NRG1: variants seen among roughly 807,000 people sequenced by gnomAD.
The protein encoded by NRG1 is pro-neuregulin-1, membrane-bound isoform.
NRG1 carries 18 observed loss-of-function variants against 63.8 expected under a neutral mutation model. The ratio of observed to expected loss-of-function variants is 0.28; its 90% CI spans 0.19 to 0.42. The LOEUF (loss-of-function observed/expected upper bound fraction) is 0.42. Ranked by LOEUF, NRG1 falls within the 10% of genes least tolerant of loss-of-function variation. NRG1 has a pLI of 1.00. For synonymous variants in NRG1, 302 were observed against 301.3 expected (o/e 1.00, Z -0.02); for missense variants, 762 against 814.7 (o/e 0.94, Z 0.79).
intron 1 of NRG1, among the ~76,000 whole-genome samples, chr8:32,066,507 G>A (rs757530712): frequency 2.2e-4 from 33 of 151,976 alleles, no homozygotes; most frequent in Non-Finnish European, 2.6e-4. Context: ...TAGATATGCA[G>A]CATTATTTCT....
chr8:32,111,503 C>T lies in NRG1; in HGVS notation c.37+472072C>T, dbSNP rs371855917. ...TGTTGTCAGTATTCAAGTGGTACCT[C>T]CACTCTGTCACATCTTCATTTTGCT... On this transcript the variant is annotated intron_variant, in intron 1 of 10. Transcript: ENST00000519301. 7.2e-5 allele frequency among the ~76,000 whole-genome samples: 11 copies of T among 152,238 alleles called. No individual in the cohort carries two copies. In the South Asian group the frequency reaches 1.7e-3, roughly 23 times the overall value.
At chr8:31,645,407 A>T (rs1319010823) in intron 1 of NRG1, among the ~76,000 whole-genome samples, 1 of 152,212 alleles carries the variant, frequency 6.6e-6, no homozygotes, top group Non-Finnish European at 1.5e-5. Flanking sequence ...TTGTGTTTTC[A>T]TATTGCCTAA....
chr8:32,735,167 G>GTATA (rs113382166), intron 6 of NRG1, among the ~76,000 whole-genome samples: 3 of 152,114 alleles, frequency 2.0e-5, no homozygotes, highest in African/African-American at 7.2e-5. Context: ...ATATTTCATT[G>GTATA]TGTATATATA....
chr8:32,651,157 C>T (rs964355055), intron 5 of NRG1, among the ~76,000 whole-genome samples: 1 of 152,048 alleles, frequency 6.6e-6, no homozygotes, highest in Non-Finnish European at 1.5e-5. Context: ...TTTAAATTGC[C>T]TTAAGGTATA....
intron 1 of NRG1, among the ~76,000 whole-genome samples, chr8:32,146,937 A>AC (rs1836929261): frequency 1.3e-5 from 2 of 152,198 alleles, no homozygotes; most frequent in Admixed American, 6.5e-5. Flanking sequence ...GTAGCAAGAA[A>AC]CTAAAGAGAA....
intron 1 of NRG1, among the ~76,000 whole-genome samples, chr8:32,291,245 A>G (rs1854159719): frequency 6.6e-6 from 1 of 152,304 alleles, no homozygotes; most frequent in Non-Finnish European, 1.5e-5. Flanking sequence ...AATCTAATCT[A>G]AAGCCACCCT....
chr8:32,608,204 G>A (rs1358793799), intron 3 of NRG1, among the ~76,000 whole-genome samples: 2 of 149,920 alleles, frequency 1.3e-5, no homozygotes, highest in Non-Finnish European at 3.0e-5. Flanking sequence ...TTTGAGACAG[G>A]GTTTCACTCT....
chr8:32,538,262 C>A (rs4733126), intron 1 of NRG1, among the ~76,000 whole-genome samples: 82,306 of 151,854 alleles, frequency 0.54, 23,206 homozygotes, highest in East Asian at 0.84. Context: ...CTCAAGCAAT[C>A]AAAAAATATC....
chr8:32,714,556 T>C (rs928674244), intron 5 of NRG1, among the ~76,000 whole-genome samples: 2 of 152,226 alleles, frequency 1.3e-5, no homozygotes, highest in African/African-American at 2.4e-5. Context: ...TTGGACACTT[T>C]CCTGGCTGTA....
At chr8:32,401,339 A>G (rs1461248211) in intron 1 of NRG1, among the ~76,000 whole-genome samples, 1 of 152,154 alleles carries the variant, frequency 6.6e-6, no homozygotes, top group Non-Finnish European at 1.5e-5. Context: ...AATAAAAAAT[A>G]AAACTGCAAA....
chr8:32,633,002 A>G (rs929393293), intron 5 of NRG1, among the ~76,000 whole-genome samples: 2 of 152,222 alleles, frequency 1.3e-5, no homozygotes, highest in Non-Finnish European at 2.9e-5. Context: ...TTTTTAAATC[A>G]GATATATATC....
chr8:32,470,169 G>T (rs529656487), intron 1 of NRG1, among the ~76,000 whole-genome samples: 1 of 147,852 alleles, frequency 6.8e-6, no homozygotes, highest in East Asian at 2.0e-4. Context: ...CACTGAGCCC[G>T]GCCGAAAAGG....
At chr8:32,628,131 T>C (rs895965326) in intron 5 of NRG1, among the ~76,000 whole-genome samples, 2 of 152,208 alleles carry the variant, frequency 1.3e-5, no homozygotes, top group Non-Finnish European at 2.9e-5. Context: ...CTGCATTTTT[T>C]TTAAGCTGTA....
chr8:32,291,879 A>G (rs1469492313), intron 1 of NRG1, among the ~76,000 whole-genome samples: 1 of 152,192 alleles, frequency 6.6e-6, no homozygotes, highest in African/African-American at 2.4e-5. Context: ...AGTTGAAAAT[A>G]TAAACTAGAA....
chr8:32,593,848 A>G (rs1453192868), intron 1 of NRG1, among the ~76,000 whole-genome samples: 1 of 129,776 alleles, frequency 7.7e-6, no homozygotes, highest in African/African-American at 2.8e-5. Flanking sequence ...AATATTTTCA[A>G]GGTGTCAAAA....
intron 5 of NRG1, among the ~76,000 whole-genome samples, chr8:32,713,592 G>T (rs900603803): frequency 6.8e-6 from 1 of 146,272 alleles, no homozygotes. Context: ...CTTTCTCTCT[G>T]ATAATTCATG....
At chr8:32,401,709 G>A (rs1813233409) in intron 1 of NRG1, among the ~76,000 whole-genome samples, 1 of 151,964 alleles carries the variant, frequency 6.6e-6, no homozygotes, top group Non-Finnish European at 1.5e-5. Context: ...ACAAAGAGAA[G>A]AACAACAGAC....
intron 1 of NRG1, among the ~76,000 whole-genome samples, chr8:32,513,366 C>T (rs919304937): frequency 4.1e-5 from 6 of 145,778 alleles, no homozygotes; most frequent in African/African-American, 1.5e-4. Flanking sequence ...TCTAAGCAAG[C>T]AAGAAAAAGG....
chr8:31,716,912 G>A (rs959381856), intron 1 of NRG1, among the ~76,000 whole-genome samples: 2 of 152,196 alleles, frequency 1.3e-5, no homozygotes, highest in African/African-American at 4.8e-5. Flanking sequence ...ATTTAGTTCA[G>A]TCTCTATTTC....
Sources: gnomAD v4.1 joint callset for allele counts (sites outside exome capture counted in the v4.1 genomes callset) on GRCh38, gnomAD v4.1.1 for gene constraint, MANE v1.5 for transcripts, NCBI Gene and HGNC (gene_info 2026-07-23, HGNC 2026-07-21) for gene names.